The following NAV3 variants were observed in gnomAD, a reference collection of about 807,000 sequenced individuals.
The protein encoded by NAV3 is neuron navigator 3.
Under a neutral mutation model 244.7 loss-of-function variants are expected in NAV3, and 87 were observed. The observed-to-expected ratio is 0.36, with a 90% CI of 0.30 to 0.42. The LOEUF is 0.42. Ranked by LOEUF, NAV3 falls within the 20% of genes least tolerant of loss-of-function variation. The pLI, the probability that NAV3 is intolerant of heterozygous loss-of-function variation, is 1.00. For synonymous variants in NAV3, 1,126 were observed against 1,042.2 expected (o/e 1.08, Z -1.55); for missense variants, 2,663 against 2,893.3 (o/e 0.92, Z 1.83).
chr12:77,639,946 G>A (rs886406565), intron 2 of NAV3, among the ~76,000 whole-genome samples: 10 of 152,156 alleles, frequency 6.6e-5, no homozygotes, highest in Admixed American at 6.6e-4. Flanking sequence ...GGGGGCACTA[G>A]TTTTAGAGAA....
At chr12:78,198,811 C>T in intron 36 of NAV3, 135 bp downstream of exon 36, 4 of 635,368 alleles carry the variant, frequency 6.3e-6, no homozygotes, top group Non-Finnish European at 8.3e-6. Flanking sequence ...CAAATCTTGC[C>T]AGAGATGACC....
intron 8 of NAV3, among the ~76,000 whole-genome samples, chr12:78,018,748 C>T (rs1485543083): frequency 6.6e-6 from 1 of 152,160 alleles, no homozygotes; most frequent in Non-Finnish European, 1.5e-5. Context: ...AGTCAGCTTT[C>T]CCTGGGGTCC....
intron 2 of NAV3, among the ~76,000 whole-genome samples, chr12:77,801,978 C>A (rs770097362): frequency 1.3e-5 from 2 of 152,096 alleles, no homozygotes; most frequent in African/African-American, 4.8e-5. Flanking sequence ...ATAGTTGCTG[C>A]TGACTAAATA....
intron 11 of NAV3, among the ~76,000 whole-genome samples, chr12:78,055,416 T>A (rs1883345253): frequency 6.6e-6 from 1 of 152,200 alleles, no homozygotes; most frequent in African/African-American, 2.4e-5. Flanking sequence ...ACATGCAATA[T>A]ATGCAAGAAT....
At chr12:78,190,831 T>C (rs1240029589) in intron 34 of NAV3, among the ~76,000 whole-genome samples, 1 of 152,104 alleles carries the variant, frequency 6.6e-6, no homozygotes, top group Non-Finnish European at 1.5e-5. Flanking sequence ...TAAAAAGGCA[T>C]GAGGGCCTAT....
intron 38 of NAV3, 42 bp downstream of exon 38, chr12:78,200,633 A>AAAC: frequency 8.0e-7 from 1 of 1,253,348 alleles, no homozygotes; most frequent in Non-Finnish European, 1.1e-6. Flanking sequence ...TTTAAAAAAA[A>AAAC]AAAGCAAAAA....
chr12:77,949,015 T>G (rs1270638847), intron 3 of NAV3, among the ~76,000 whole-genome samples: 1 of 152,002 alleles, frequency 6.6e-6, no homozygotes, highest in Non-Finnish European at 1.5e-5. Context: ...TGAAATTATA[T>G]TTAAATTATT....
At chr12:77,721,420 G>A (rs1876627312) in intron 2 of NAV3, among the ~76,000 whole-genome samples, 1 of 151,774 alleles carries the variant, frequency 6.6e-6, no homozygotes, top group Non-Finnish European at 1.5e-5. Flanking sequence ...TAACCTTTTT[G>A]TTTTAGCTCT....
chr12:77,688,452 G>A (rs1874859935), intron 2 of NAV3, among the ~76,000 whole-genome samples: 1 of 151,932 alleles, frequency 6.6e-6, no homozygotes, highest in Non-Finnish European at 1.5e-5. Flanking sequence ...TAAGGATCTT[G>A]TTATCTTATT....
chr12:77,801,792 C>G (rs771311085), intron 2 of NAV3, among the ~76,000 whole-genome samples: 1 of 152,144 alleles, frequency 6.6e-6, no homozygotes, highest in Non-Finnish European at 1.5e-5. Context: ...GTCCTAGCTA[C>G]CCCATTCCCT....
intron 2 of NAV3, among the ~76,000 whole-genome samples, chr12:77,727,824 G>A (rs542131708): frequency 2.6e-5 from 4 of 151,828 alleles, no homozygotes; most frequent in Non-Finnish European, 4.4e-5. Context: ...TTCAAGCCCA[G>A]GCAGTCTGTA....
At chr12:77,734,071 A>G (rs147951148) in intron 2 of NAV3, among the ~76,000 whole-genome samples, 314 of 152,080 alleles carry the variant, frequency 2.1e-3, no homozygotes, top group Middle Eastern at 0.02. Context: ...GACCCTGAAT[A>G]AAAAAGAAAT....
chr12:78,076,079 T>G (rs1953035415), intron 12 of NAV3, among the ~76,000 whole-genome samples: 1 of 152,160 alleles, frequency 6.6e-6, no homozygotes, highest in African/African-American at 2.4e-5. Context: ...TCCCTTCTTG[T>G]TTTCCCAATC....
chr12:78,010,262 A>G (rs1414246241), intron 8 of NAV3, among the ~76,000 whole-genome samples: 2 of 152,126 alleles, frequency 1.3e-5, no homozygotes, highest in Non-Finnish European at 2.9e-5. Flanking sequence ...GTAACCTTTT[A>G]TGTTCTTTCT....
intron 2 of NAV3, among the ~76,000 whole-genome samples, chr12:77,685,585 A>G (rs903228449): frequency 1.2e-4 from 18 of 151,778 alleles, no homozygotes; most frequent in African/African-American, 4.4e-4. Context: ...TTCATATCTA[A>G]TTACCAATTT....
At chr12:78,025,959 A>G (rs1179165135) in intron 9 of NAV3, among the ~76,000 whole-genome samples, 2 of 152,170 alleles carry the variant, frequency 1.3e-5, no homozygotes. Context: ...TAAATCACCC[A>G]GATAATCCTT....
chr12:77,762,646 A>G (rs1331711983), intron 2 of NAV3, among the ~76,000 whole-genome samples: 1 of 152,140 alleles, frequency 6.6e-6, no homozygotes, highest in Non-Finnish European at 1.5e-5. Context: ...TTCACTTTCA[A>G]ACAGGGATCG....
At chr12:77,935,650 G>A (rs1344643020) in intron 1 of NAV3, among the ~76,000 whole-genome samples, 1 of 152,118 alleles carries the variant, frequency 6.6e-6, no homozygotes, top group Non-Finnish European at 1.5e-5. Flanking sequence ...CATTGGTTGA[G>A]GTATTAGTCT....
At chr12:77,837,842 T>C (rs1284893262) in intron 1 of NAV3, among the ~76,000 whole-genome samples, 2 of 152,244 alleles carry the variant, frequency 1.3e-5, no homozygotes, top group African/African-American at 4.8e-5. Context: ...AGTTGACACA[T>C]GGTCTCTACT....
Sources: gnomAD v4.1 joint callset for allele counts (sites outside exome capture counted in the v4.1 genomes callset) on GRCh38, gnomAD v4.1.1 for gene constraint, MANE v1.5 for transcripts, NCBI Gene and HGNC (gene_info 2026-07-23, HGNC 2026-07-21) for gene names.